DIAPH3: variants seen among roughly 807,000 people sequenced by gnomAD.
DIAPH3 encodes protein diaphanous homolog 3.
DIAPH3 carries 117 observed loss-of-function variants against 144.3 expected under a neutral mutation model. That is an observed-to-expected ratio of 0.81 (90% CI 0.70 to 0.95). The LOEUF (loss-of-function observed/expected upper bound fraction) is 0.95, where lower values mean the gene tolerates loss of function less well. DIAPH3 is among the 40% of genes least tolerant of loss of function. The pLI, the probability that DIAPH3 is intolerant of heterozygous loss-of-function variation, is 0.00. For missense variants in DIAPH3, 1,421 were observed against 1,412.7 expected (o/e 1.01, Z -0.09); for synonymous variants, 519 against 488.9 (o/e 1.06, Z -0.81).
intron 27 of DIAPH3, among the ~76,000 whole-genome samples, chr13:59,720,261 A>G (rs1280587886): frequency 2.6e-5 from 4 of 152,118 alleles, no homozygotes; most frequent in African/African-American, 9.7e-5. Flanking sequence ...ACCACTGTAT[A>G]TTGGGTCTGT....
At chr13:59,818,495 G>T (rs994644486) in intron 24 of DIAPH3, among the ~76,000 whole-genome samples, 2 of 148,874 alleles carry the variant, frequency 1.3e-5, no homozygotes, top group Non-Finnish European at 1.5e-5. Context: ...TTTTTTTTTT[G>T]GCTTTAGTGT....
intron 25 of DIAPH3, among the ~76,000 whole-genome samples, chr13:59,791,187 C>A (rs341560): frequency 0.62 from 94,496 of 151,958 alleles, 29,763 homozygotes; most frequent in East Asian, 0.7. Context: ...TCAGGATGGT[C>A]TCAAACTCCT....
rs533199629 is a variant in DIAPH3 at position 59,670,765 on chromosome 13, A to C, written c.3320-3919T>G. Among the ~76,000 whole-genome samples the C allele has an allele frequency of 2.1e-4, 32 of 152,014 alleles. No homozygotes were observed. The South Asian group carries it at 6.0e-3, about 29-fold the overall frequency. ...GCCCGGCTAATTTTTTTGCATTTTT[A>C]GTAAAGACGGGGTTTCACTGTGTTA... On this transcript the variant is annotated intron_variant, in intron 27 of 27. Coordinates refer to ENST00000400324, the MANE Select transcript of DIAPH3 (RefSeq NM_001042517.2).
At chr13:60,093,114 C>T (rs1466046496) in intron 4 of DIAPH3, among the ~76,000 whole-genome samples, 1 of 152,192 alleles carries the variant, frequency 6.6e-6, no homozygotes, top group Non-Finnish European at 1.5e-5. Context: ...GTCATTACTT[C>T]CACCCACATA....
At chr13:59,843,418 CT>C (rs1034682529) in intron 22 of DIAPH3, among the ~76,000 whole-genome samples, 1 of 152,116 alleles carries the variant, frequency 6.6e-6, no homozygotes, top group Admixed American at 6.5e-5. Flanking sequence ...GGGAGAGGGA[CT>C]TAGTCCACTG....
chr13:60,116,231 G>A (rs950382446), intron 2 of DIAPH3, among the ~76,000 whole-genome samples: 1 of 151,970 alleles, frequency 6.6e-6, no homozygotes, highest in Non-Finnish European at 1.5e-5. Flanking sequence ...CAAGCACATA[G>A]GTAATTATAT....
chr13:59,802,676 T>TTTTTTTA (rs2039994560), intron 25 of DIAPH3, among the ~76,000 whole-genome samples: 1 of 64,106 alleles, frequency 1.6e-5, no homozygotes, highest in Non-Finnish European at 3.2e-5. Context: ...TATTTTTTTT[T>TTTTTTTA]TTTTTTTTTT....
chr13:59,734,072 T>C (rs2139000360), intron 27 of DIAPH3, among the ~76,000 whole-genome samples: 1 of 152,352 alleles, frequency 6.6e-6, no homozygotes, highest in South Asian at 2.1e-4. Flanking sequence ...AATTCTAACC[T>C]TTCATTGTGT....
intron 5 of DIAPH3, among the ~76,000 whole-genome samples, chr13:60,031,722 G>C (rs1410664243): frequency 7.6e-6 from 1 of 130,874 alleles, no homozygotes. Flanking sequence ...CAGTAGGGCA[G>C]TCATTAAATC....
chr13:59,904,857 T>G (rs1329977749), intron 20 of DIAPH3, among the ~76,000 whole-genome samples: 1 of 151,638 alleles, frequency 6.6e-6, no homozygotes, highest in Non-Finnish European at 1.5e-5. Flanking sequence ...GGCAATAAAA[T>G]AGGAAAATAA....
chr13:60,024,691 G>T (rs893596475), intron 5 of DIAPH3, among the ~76,000 whole-genome samples: 1 of 152,004 alleles, frequency 6.6e-6, no homozygotes, highest in South Asian at 2.1e-4. Flanking sequence ...CTGAAAATTT[G>T]GGATATCGTG....
At chr13:59,668,830 T>C (rs2032177694) in intron 27 of DIAPH3, among the ~76,000 whole-genome samples, 1 of 128,744 alleles carries the variant, frequency 7.8e-6, no homozygotes, top group South Asian at 2.7e-4. Flanking sequence ...TACACATATA[T>C]ATATATGTAT....
At chr13:59,983,191 A>G (rs2140717430) in intron 13 of DIAPH3, among the ~76,000 whole-genome samples, 1 of 131,410 alleles carries the variant, frequency 7.6e-6, no homozygotes, top group African/African-American at 2.8e-5. Context: ...CGTCTGTATG[A>G]GTCATTCCAA....
intron 5 of DIAPH3, among the ~76,000 whole-genome samples, chr13:60,024,588 T>A (rs941390000): frequency 5.3e-5 from 8 of 152,236 alleles, no homozygotes; most frequent in Admixed American, 3.9e-4. Flanking sequence ...AATTCTACCA[T>A]CTCTGTCATA....
At chr13:59,844,084 C>T (rs2042490293) in intron 22 of DIAPH3, among the ~76,000 whole-genome samples, 1 of 149,792 alleles carries the variant, frequency 6.7e-6, no homozygotes, top group Non-Finnish European at 1.5e-5. Flanking sequence ...CCTGCACATC[C>T]TACACATATA....
At chr13:59,914,550 C>T (rs1000742928) in intron 19 of DIAPH3, among the ~76,000 whole-genome samples, 2 of 152,120 alleles carry the variant, frequency 1.3e-5, no homozygotes, top group African/African-American at 2.4e-5. Flanking sequence ...TTGCTATCAG[C>T]TGACCTTAGA....
At chr13:60,118,578 A>C (rs775283472) in intron 2 of DIAPH3, among the ~76,000 whole-genome samples, 2 of 151,992 alleles carry the variant, frequency 1.3e-5, no homozygotes, top group African/African-American at 4.8e-5. Context: ...CTCTATTTTC[A>C]GGCAATCTTA....
At chr13:59,805,668 C>A (rs867065242) in intron 25 of DIAPH3, among the ~76,000 whole-genome samples, 13 of 151,794 alleles carry the variant, frequency 8.6e-5, no homozygotes, top group African/African-American at 2.7e-4. Flanking sequence ...ATTTAAGAGA[C>A]CTTCAGGTTC....
chr13:59,734,151 A>G (rs554776354), intron 27 of DIAPH3, among the ~76,000 whole-genome samples: 2 of 152,214 alleles, frequency 1.3e-5, no homozygotes, highest in African/African-American at 4.8e-5. Context: ...GAGTTAGGTC[A>G]TATATAAAAG....
Sources: allele counts gnomAD v4.1 joint callset (sites outside exome capture counted in the v4.1 genomes callset), GRCh38; gene constraint gnomAD v4.1.1; transcripts MANE v1.5; gene names NCBI Gene and HGNC (gene_info 2026-07-23, HGNC 2026-07-21).